The following PCDHA1 variants were observed in gnomAD, a reference collection of about 807,000 sequenced individuals.
PCDHA1 encodes protocadherin alpha-1.
In PCDHA1, 42 loss-of-function variants were observed where a neutral mutation model predicts 61.3. The ratio of observed to expected loss-of-function variants is 0.69; its 90% CI spans 0.54 to 0.89. PCDHA1 has a LOEUF of 0.89. PCDHA1 is among the 40% of genes least tolerant of loss of function. The probability of loss-of-function intolerance (pLI) is 0.00; values close to 1 mark genes in which losing one functional copy is unlikely to be tolerated. For synonymous variants in PCDHA1, 610 were observed against 553.8 expected (o/e 1.10, Z -1.43); for missense variants, 1,256 against 1,235.3 (o/e 1.02, Z -0.25).
chr5:140,959,413 T>G (rs1328731924), intron 1 of PCDHA1, among the ~76,000 whole-genome samples: 1 of 152,152 alleles, frequency 6.6e-6, no homozygotes, highest in Admixed American at 6.6e-5. Context: ...TGTTGATTGA[T>G]CTGAGAATTT....
intron 1 of PCDHA1, chr5:140,843,910 G>A (rs2150367527): frequency 2.4e-5 from 15 of 636,386 alleles, no homozygotes; most frequent in Non-Finnish European, 3.7e-5. Flanking sequence ...CACAAGTTGG[G>A]TCTATCTTGA....
chr5:140,946,806 T>A (rs965284033), intron 1 of PCDHA1, among the ~76,000 whole-genome samples: 20 of 151,184 alleles, frequency 1.3e-4, no homozygotes, highest in African/African-American at 4.6e-4. Context: ...GCAGAGAGTA[T>A]AACAGTGATT....
chr5:140,841,713 C>T, intron 1 of PCDHA1: 1 of 1,613,888 alleles, frequency 6.2e-7, no homozygotes, highest in Non-Finnish European at 8.5e-7. Context: ...GACAACCCGC[C>T]AGTGTTCCGG....
At chr5:140,794,742 CTA>C (rs1231866495) in intron 1 of PCDHA1, 3 of 504,234 alleles carry the variant, frequency 5.9e-6, no homozygotes, top group Non-Finnish European at 1.0e-5. Context: ...AGAAAATCGA[CTA>C]GTTTTAAATC....
chr5:140,994,550 T>A (rs1554254228), intron 3 of PCDHA1, among the ~76,000 whole-genome samples: 1 of 151,060 alleles, frequency 6.6e-6, no homozygotes, highest in Non-Finnish European at 1.5e-5. Context: ...AAAAAAAATA[T>A]AAAAATTAGC....
At chr5:140,917,699 A>G (rs980073163) in intron 1 of PCDHA1, among the ~76,000 whole-genome samples, 1 of 152,058 alleles carries the variant, frequency 6.6e-6, no homozygotes, top group Non-Finnish European at 1.5e-5. Flanking sequence ...AGATCAGATA[A>G]TTGTAGGTGT....
chr5:140,797,017 G>A, intron 1 of PCDHA1: 1 of 1,613,728 alleles, frequency 6.2e-7, no homozygotes, highest in Admixed American at 1.7e-5. Flanking sequence ...GGCGTGGGTG[G>A]GCGCCGCGGG....
At chr5:140,826,541 T>A (rs967580950) in intron 1 of PCDHA1, among the ~76,000 whole-genome samples, 3 of 152,192 alleles carry the variant, frequency 2.0e-5, no homozygotes, top group African/African-American at 7.2e-5. Flanking sequence ...TATTGGTGAC[T>A]CTATTTTTCT....
At chr5:140,808,815 C>T (rs782363831) in intron 1 of PCDHA1, 4 of 1,612,732 alleles carry the variant, frequency 2.5e-6, no homozygotes, top group Non-Finnish European at 3.4e-6. Context: ...GCCGGCGTGC[C>T]ACCTCTGGGC....
chr5:140,929,077 A>C, intron 1 of PCDHA1: 1 of 1,614,168 alleles, frequency 6.2e-7, no homozygotes, highest in Non-Finnish European at 8.5e-7. Flanking sequence ...GAGGTATGGA[A>C]GTAAGATGGT....
intron 1 of PCDHA1, chr5:140,804,431 G>T (rs1258659092): frequency 6.6e-6 from 1 of 151,840 alleles, no homozygotes; most frequent in African/African-American, 2.4e-5. Context: ...CATTTTAAAA[G>T]AATGTTTTAA....
At chr5:140,967,519 C>T (rs147791062) in intron 1 of PCDHA1, 1 of 1,612,804 alleles carries the variant, frequency 6.2e-7, no homozygotes, top group Non-Finnish European at 8.5e-7. Flanking sequence ...TGGACACTAA[C>T]GACAACTCTC....
intron 1 of PCDHA1, chr5:140,853,308 C>G: frequency 3.1e-6 from 3 of 983,184 alleles, no homozygotes; most frequent in Non-Finnish European, 3.7e-6. Flanking sequence ...CTGTGAACAC[C>G]TTAGTAATAA....
chr5:140,786,451 T>A lies in PCDHA1; in HGVS notation c.161T>A (p.Leu54Gln). 1 of 1,613,540 alleles carries A rather than the reference T, an allele frequency of 6.2e-7. No individual in the cohort carries two copies. The highest frequency in any genetic ancestry group is 1.1e-5 in the South Asian group (1 of 91,052). The change falls in exon 1 of 4, where the codon CTG becomes CAG. Residue 54 changes from leucine to glutamine, a missense_variant. Physicochemically the swap from Leu to Gln is moderately radical, Grantham distance 113. Coordinates refer to ENST00000504120, the MANE Select transcript of PCDHA1 (RefSeq NM_018900.4). ...FVGRVAQDLGLELAELVPRLF... is the reference protein window; with the variant it reads ...FVGRVAQDLGQELAELVPRLF... Reference sequence around the variant, plus strand: ...GGCCGCGTTGCTCAGGACCTGGGACTGGAGCTGGCGGAGCTGGTGCCTCGC... The same window carrying A: ...GGCCGCGTTGCTCAGGACCTGGGACAGGAGCTGGCGGAGCTGGTGCCTCGC...
rs1217280072 is a variant in PCDHA1 at position 140,819,168 on chromosome 5, A to G, written c.2394+30484A>G. ...AATTTTTATACAGAATTAATTTTTG[A>G]AGAATCAAATGACATATGTGCATAA... On this transcript the variant is annotated intron_variant, in intron 1 of 3. Coordinates refer to ENST00000504120, the MANE Select transcript of PCDHA1 (RefSeq NM_018900.4). Among the ~76,000 whole-genome samples, 9 of 152,332 alleles carry G rather than the reference A, an allele frequency of 5.9e-5. 1 individual carries two copies. Among genetic ancestry groups the G allele is most frequent in the African/African-American group, 2.2e-4 (9 of 41,590 alleles).
chr5:140,827,472 T>G (rs2150147765), intron 1 of PCDHA1, among the ~76,000 whole-genome samples: 59 of 152,234 alleles, frequency 3.9e-4, no homozygotes, highest in Non-Finnish European at 6.9e-4. Flanking sequence ...TGATATTTAT[T>G]GAACAAAGAA....
At chr5:140,840,282 G>T (rs1294599981) in intron 1 of PCDHA1, among the ~76,000 whole-genome samples, 1 of 151,906 alleles carries the variant, frequency 6.6e-6, no homozygotes, top group Non-Finnish European at 1.5e-5. Context: ...TGGGTTTTGG[G>T]TGATTATTGA....
At chr5:140,902,530 G>C (rs569387885) in intron 1 of PCDHA1, among the ~76,000 whole-genome samples, 1 of 152,026 alleles carries the variant, frequency 6.6e-6, no homozygotes, top group African/African-American at 2.4e-5. Flanking sequence ...TTATTATGTT[G>C]AGGTATGTTC....
chr5:140,883,362 C>T lies in PCDHA1; in HGVS notation c.2394+94678C>T, dbSNP rs1554177843. ...CTCCCCATCAGAGAAGACACTCAGC[C>T]TAGCGCCATTATTGCCCTAATCAGT... On this transcript the variant is annotated intron_variant, in intron 1 of 3. Transcript: ENST00000504120. The T allele has an allele frequency of 1.7e-5, 27 of 1,614,074 alleles. No homozygotes were observed. Among genetic ancestry groups the T allele is most frequent in the Non-Finnish European group, 2.3e-5 (27 of 1,180,046 alleles).
Sources: allele counts gnomAD v4.1 joint callset (sites outside exome capture counted in the v4.1 genomes callset), GRCh38; gene constraint gnomAD v4.1.1; transcripts MANE v1.5; gene names NCBI Gene and HGNC (gene_info 2026-07-23, HGNC 2026-07-21).